KIAA0825: variants seen among roughly 807,000 people sequenced by gnomAD.
KIAA0825 encodes the protein KIAA0825.
Under a neutral mutation model 147.6 loss-of-function variants are expected in KIAA0825, and 119 were observed. The observed-to-expected ratio is 0.81, with a 90% CI of 0.69 to 0.94. The LOEUF (loss-of-function observed/expected upper bound fraction) is 0.94, where lower values mean the gene tolerates loss of function less well. KIAA0825 is among the 40% of genes least tolerant of loss of function. The probability of loss-of-function intolerance (pLI) is 0.00; values close to 1 mark genes in which losing one functional copy is unlikely to be tolerated. For missense variants in KIAA0825, 1,381 were observed against 1,472.7 expected (o/e 0.94, Z 1.02); for synonymous variants, 470 against 518.1 (o/e 0.91, Z 1.26).
At chr5:94,397,827 C>T (rs910537858) in intron 16 of KIAA0825, among the ~76,000 whole-genome samples, 4 of 152,158 alleles carry the variant, frequency 2.6e-5, no homozygotes, top group African/African-American at 9.7e-5. Flanking sequence ...TGGCCTTTCT[C>T]CAGAGCTGTA....
At chr5:94,158,288 C>G (rs1010411567) in intron 20 of KIAA0825, among the ~76,000 whole-genome samples, 4 of 152,136 alleles carry the variant, frequency 2.6e-5, no homozygotes, top group African/African-American at 9.7e-5. Flanking sequence ...CAGACTAAGA[C>G]TGCATGTCCT....
Position 94,151,758 on chromosome 5 carries a change from C to T in KIAA0825, c.*2249G>A, listed in dbSNP as rs981020335. ...CAATAATAATAGCTTTAAAAGATGACGTTTAGATATATTAGAAGACAATCC... is the reference window on the plus strand; with the variant it reads ...CAATAATAATAGCTTTAAAAGATGATGTTTAGATATATTAGAAGACAATCC... On this transcript the variant is annotated 3_prime_UTR_variant, in exon 21 of 21. Coordinates refer to ENST00000682413, the MANE Select transcript of KIAA0825 (RefSeq NM_001145678.3). Among the ~76,000 whole-genome samples, 3 of 152,098 alleles carry T rather than the reference C, an allele frequency of 2.0e-5. No individual in the cohort carries two copies. The highest frequency in any genetic ancestry group is 4.4e-5 in the Non-Finnish European group (3 of 68,016).
At position 94,286,929 on chromosome 5, in the gene KIAA0825, G is replaced by A. The variant is rs575584075; in HGVS notation, c.3710+97439C>T. Reference sequence around the variant, plus strand: ...TCTGACTCCTATTGCCCATAGGCTAGTTCCACACCTCCCTGGGCTCGTCTT... The same window carrying A: ...TCTGACTCCTATTGCCCATAGGCTAATTCCACACCTCCCTGGGCTCGTCTT... On this transcript the variant is annotated intron_variant, in intron 20 of 20. Transcript: ENST00000682413. Among the ~76,000 whole-genome samples, 14 of 152,208 alleles carry A rather than the reference G, an allele frequency of 9.2e-5. No individual in the cohort carries two copies. The South Asian group carries it at 2.9e-3, about 32-fold the overall frequency.
chr5:94,575,103 C>T (rs1418017299), intron 2 of KIAA0825, among the ~76,000 whole-genome samples: 1 of 152,082 alleles, frequency 6.6e-6, no homozygotes, highest in Non-Finnish European at 1.5e-5. Context: ...AAGAGGTATG[C>T]TATGGACAGA....
chr5:94,263,644 T>G (rs1161093625), intron 20 of KIAA0825, among the ~76,000 whole-genome samples: 1 of 152,010 alleles, frequency 6.6e-6, no homozygotes, highest in Non-Finnish European at 1.5e-5. Context: ...ACCTTTTTCT[T>G]CAATGTCTCT....
chr5:94,432,369 A>G lies in KIAA0825; in HGVS notation c.2497+7613T>C, dbSNP rs116029259. ...TTTGCACTTAAAGACAAGAAGCCTT[A>G]TTTTACATAATCCATATCCCACTAC... On this transcript the variant is annotated intron_variant, in intron 14 of 20. Coordinates refer to ENST00000682413, the MANE Select transcript of KIAA0825 (RefSeq NM_001145678.3). Among the ~76,000 whole-genome samples the G allele has an allele frequency of 6.7e-3, 1,025 of 152,270 alleles. 11 individuals are homozygous for G. Among genetic ancestry groups the G allele is most frequent in the African/African-American group, 0.024 (994 of 41,552 alleles).
chr5:94,551,574 G>A (rs1416082076), intron 2 of KIAA0825, among the ~76,000 whole-genome samples: 1 of 151,944 alleles, frequency 6.6e-6, no homozygotes, highest in Non-Finnish European at 1.5e-5. Context: ...TAAAAATATT[G>A]AAAGAAAAAA....
At chr5:94,440,195 T>C (rs138063964) in intron 13 of KIAA0825, 74 bp from the exon 14 acceptor site, 41 of 1,385,834 alleles carry the variant, frequency 3.0e-5, no homozygotes, top group East Asian at 2.8e-4. Context: ...AAAGTACAGA[T>C]GTAATGCTAA....
At chr5:94,559,468 AAAAC>A (rs759144033) in intron 2 of KIAA0825, among the ~76,000 whole-genome samples, 8 of 152,228 alleles carry the variant, frequency 5.3e-5, no homozygotes, top group Admixed American at 2.0e-4. Context: ...TTTGGAAATG[AAAAC>A]AAACTAACTA....
At chr5:94,184,262 G>A (rs530535043) in intron 20 of KIAA0825, among the ~76,000 whole-genome samples, 14 of 152,156 alleles carry the variant, frequency 9.2e-5, no homozygotes, top group African/African-American at 3.4e-4. Context: ...TGACTATCAG[G>A]TGCTATATTT....
intron 20 of KIAA0825, among the ~76,000 whole-genome samples, chr5:94,192,426 A>C (rs183058457): frequency 5.5e-4 from 84 of 152,292 alleles, no homozygotes; most frequent in Middle Eastern, 3.4e-3. Flanking sequence ...TATAACCTCT[A>C]TTTCTGATAA....
chr5:94,278,916 CCTTTA>C (rs1044473042), intron 20 of KIAA0825, among the ~76,000 whole-genome samples: 3 of 151,998 alleles, frequency 2.0e-5, no homozygotes, highest in Admixed American at 6.6e-5. Flanking sequence ...TTCTCTCTCA[CCTTTA>C]CTTTACTTAA....
chr5:94,375,954 T>C (rs1476201671), intron 20 of KIAA0825, among the ~76,000 whole-genome samples: 1 of 152,174 alleles, frequency 6.6e-6, no homozygotes, highest in East Asian at 1.9e-4. Flanking sequence ...AAGCAAAGCA[T>C]TATAAAAGCT....
At chr5:94,256,990 AT>A (rs1371510599) in intron 20 of KIAA0825, among the ~76,000 whole-genome samples, 2 of 152,130 alleles carry the variant, frequency 1.3e-5, no homozygotes, top group East Asian at 1.9e-4. Flanking sequence ...TGTTTTATAA[AT>A]TTGTGGAATG....
chr5:94,429,225 GAGCT>G (rs1755311529), intron 14 of KIAA0825, among the ~76,000 whole-genome samples: 1 of 152,160 alleles, frequency 6.6e-6, no homozygotes, highest in Admixed American at 6.5e-5. Flanking sequence ...CATTGCTGGA[GAGCT>G]AGTGCAATCC....
intron 20 of KIAA0825, among the ~76,000 whole-genome samples, chr5:94,161,374 T>C (rs1418798785): frequency 6.6e-6 from 1 of 152,222 alleles, no homozygotes; most frequent in East Asian, 1.9e-4. Flanking sequence ...CTACTTTTGC[T>C]GTTCCACCCA....
At chr5:94,599,967 A>T (rs1786069231) in intron 1 of KIAA0825, among the ~76,000 whole-genome samples, 1 of 152,222 alleles carries the variant, frequency 6.6e-6, no homozygotes, top group African/African-American at 2.4e-5. Context: ...GAACTAGTAC[A>T]ACTAAACAAT....
intron 13 of KIAA0825, among the ~76,000 whole-genome samples, chr5:94,449,054 A>G (rs1758074597): frequency 6.6e-6 from 1 of 152,160 alleles, no homozygotes; most frequent in Non-Finnish European, 1.5e-5. Flanking sequence ...TCCTAACATA[A>G]CTTGCATGGA....
intron 20 of KIAA0825, among the ~76,000 whole-genome samples, chr5:94,279,863 A>G (rs975370951): frequency 1.3e-5 from 2 of 152,092 alleles, no homozygotes; most frequent in Non-Finnish European, 2.9e-5. Context: ...AAAGCACCTA[A>G]TATGATAGTT....
Sources: gnomAD v4.1 joint callset for allele counts (sites outside exome capture counted in the v4.1 genomes callset) on GRCh38, gnomAD v4.1.1 for gene constraint, MANE v1.5 for transcripts, NCBI Gene and HGNC (gene_info 2026-07-23, HGNC 2026-07-21) for gene names.